Variants in WDR11 observed in about 807,000 individuals in gnomAD.
The protein encoded by WDR11 is WD repeat domain 11.
Under a neutral mutation model 151.2 loss-of-function variants are expected in WDR11, and 83 were observed. That is an observed-to-expected ratio of 0.55 (90% CI 0.46 to 0.66). The LOEUF (loss-of-function observed/expected upper bound fraction) is 0.66, where lower values mean the gene tolerates loss of function less well. Ranked by LOEUF, WDR11 falls within the 30% of genes least tolerant of loss-of-function variation. The pLI, the probability that WDR11 is intolerant of heterozygous loss-of-function variation, is 0.00. For missense variants in WDR11, 1,301 were observed against 1,480.9 expected, an observed-to-expected ratio of 0.88 and a Z score of 1.99; for synonymous variants, 484 against 533.1, an observed-to-expected ratio of 0.91 and a Z score of 1.27.
intron 21 of WDR11, among the ~76,000 whole-genome samples, chr10:120,901,583 G>GA (rs536910825): frequency 2.0e-5 from 3 of 152,106 alleles, no homozygotes; most frequent in African/African-American, 7.2e-5. Flanking sequence ...AATAAGAAAG[G>GA]AAAAAATATG....
chr10:120,884,233 C>T (rs778480572), intron 14 of WDR11, among the ~76,000 whole-genome samples: 2 of 152,074 alleles, frequency 1.3e-5, no homozygotes, highest in Non-Finnish European at 2.9e-5. Flanking sequence ...GTTGGCCCTT[C>T]CTACCTGATA....
chr10:120,873,981 A>G (rs1846640726), intron 11 of WDR11, 58 bp downstream of exon 11: 2 of 1,204,722 alleles, frequency 1.7e-6, no homozygotes, highest in Non-Finnish European at 2.5e-6. Flanking sequence ...AAAAATTCTC[A>G]TAGACTTTTC....
At chr10:120,903,446 G>A (rs1309135433) in intron 23 of WDR11, among the ~76,000 whole-genome samples, 1 of 151,434 alleles carries the variant, frequency 6.6e-6, no homozygotes, top group Admixed American at 6.6e-5. Flanking sequence ...GGAGGCGGAG[G>A]TTGCAGTGAG....
chr10:120,877,315 A>T (rs1846830185), intron 11 of WDR11, among the ~76,000 whole-genome samples: 1 of 152,134 alleles, frequency 6.6e-6, no homozygotes, highest in African/African-American at 2.4e-5. Flanking sequence ...TTTTATATGA[A>T]TTTTTCCTCT....
In WDR11 at chr10:120,889,877, T is replaced by A; in HGVS notation, c.2229-18T>A. 6.4e-7 allele frequency: 1 copy of A among 1,555,914 alleles called. No homozygotes were observed. Among genetic ancestry groups the A allele is most frequent in the Non-Finnish European group, 8.9e-7 (1 of 1,127,370 alleles). On this transcript the variant is annotated intron_variant, in intron 17 of 28. Transcript: ENST00000263461. ...CTCACTCTACATTGTATTGATGTTT[T>A]TGTTTCTTTGTCTTCAGAGGAATAC...
intron 10 of WDR11, among the ~76,000 whole-genome samples, chr10:120,872,358 G>A (rs574177650): frequency 6.6e-6 from 1 of 152,106 alleles, no homozygotes; most frequent in Non-Finnish European, 1.5e-5. Context: ...TTTTAATTAG[G>A]ATTCATCAGT....
intron 4 of WDR11, among the ~76,000 whole-genome samples, chr10:120,862,108 A>T (rs1411033603): frequency 6.6e-6 from 1 of 151,326 alleles, no homozygotes; most frequent in East Asian, 2.0e-4. Context: ...GGGATATGTT[A>T]AAGTTTTTTT....
rs1250906441 is a variant in WDR11 at position 120,902,242 on chromosome 10, G to A, written c.2688-15G>A. ...GAAAACTTTTGTCTCACTTTTGTCC[G>A]GATTTCTTCCACAGTGACATAAAGA... On this transcript the variant is annotated splice_polypyrimidine_tract_variant and intron_variant, in intron 21 of 28. Transcript: ENST00000263461. The A allele has an allele frequency of 9.3e-6, 15 of 1,613,328 alleles. No homozygotes were observed. Among genetic ancestry groups the A allele is most frequent in the South Asian group, 3.3e-5 (3 of 91,028 alleles).
intron 19 of WDR11, among the ~76,000 whole-genome samples, chr10:120,891,696 C>T (rs771316170): frequency 1.3e-5 from 2 of 152,190 alleles, no homozygotes; most frequent in Non-Finnish European, 2.9e-5. Flanking sequence ...CAATATTTGG[C>T]ACTTCAGACA....
intron 19 of WDR11, among the ~76,000 whole-genome samples, chr10:120,897,027 G>C (rs921096047): frequency 1.3e-5 from 2 of 152,156 alleles, no homozygotes; most frequent in Non-Finnish European, 2.9e-5. Context: ...TGGGTCTGGG[G>C]CATCTTGTGG....
At chr10:120,897,107 G>T (rs12415091) in intron 19 of WDR11, among the ~76,000 whole-genome samples, 43,846 of 152,008 alleles carry the variant, frequency 0.29, 7,007 homozygotes, top group East Asian at 0.42. Context: ...CTGTCAAACT[G>T]GGGGTAGTCT....
chr10:120,887,418 A>C (rs2133787634), intron 16 of WDR11, among the ~76,000 whole-genome samples: 1 of 152,368 alleles, frequency 6.6e-6, no homozygotes, highest in South Asian at 2.1e-4. Flanking sequence ...GAAAATGTTT[A>C]TGTTAATTAA....
At chr10:120,900,378 T>C (rs1847771324) in intron 20 of WDR11, among the ~76,000 whole-genome samples, 1 of 152,130 alleles carries the variant, frequency 6.6e-6, no homozygotes, top group African/African-American at 2.4e-5. Context: ...GCTTGTCTTA[T>C]GGTCTGAACA....
chr10:120,899,259 C>A (rs1847724071), intron 19 of WDR11, among the ~76,000 whole-genome samples: 1 of 152,060 alleles, frequency 6.6e-6, no homozygotes. Flanking sequence ...TAAGTGAGAC[C>A]TGGGAATGCT....
At chr10:120,891,425 A>G (rs1185765894) in intron 19 of WDR11, among the ~76,000 whole-genome samples, 1 of 152,196 alleles carries the variant, frequency 6.6e-6, no homozygotes, top group African/African-American at 2.4e-5. Context: ...TTACCAGAAT[A>G]AAAAGCATTT....
intron 12 of WDR11, chr10:120,878,970 A>G (rs1410070561): frequency 6.6e-6 from 1 of 152,436 alleles, no homozygotes; most frequent in Admixed American, 6.5e-5. Flanking sequence ...CAATAAGGTA[A>G]CTTTTTCAGA....
At chr10:120,883,698 A>G (rs113629213) in intron 13 of WDR11, 82 bp from the exon 14 acceptor site, 3 of 1,198,510 alleles carry the variant, frequency 2.5e-6, no homozygotes, top group African/African-American at 1.5e-5. Flanking sequence ...GAGTTTTTCA[A>G]TTTACTGAAC....
chr10:120,904,193 C>T (rs372531191), intron 24 of WDR11, 51 bp downstream of exon 24: 9 of 1,371,766 alleles, frequency 6.6e-6, no homozygotes, highest in African/African-American at 4.3e-5. Context: ...CTAGTTAATT[C>T]GTATTTCAGA....
chr10:120,887,711 G>A (rs747873952), intron 16 of WDR11, among the ~76,000 whole-genome samples: 4 of 152,088 alleles, frequency 2.6e-5, no homozygotes, highest in African/African-American at 4.8e-5. Flanking sequence ...TCTTCATGTC[G>A]ATCTTTCCAT....
Sources: allele counts gnomAD v4.1 joint callset (sites outside exome capture counted in the v4.1 genomes callset), GRCh38; gene constraint gnomAD v4.1.1; transcripts MANE v1.5; gene names NCBI Gene and HGNC (gene_info 2026-07-23, HGNC 2026-07-21).